The following MCC variants were observed in gnomAD, a reference collection of about 807,000 sequenced individuals.
MCC encodes the protein colorectal mutant cancer protein.
Under a neutral mutation model 116.2 loss-of-function variants are expected in MCC, and 90 were observed. The observed-to-expected ratio is 0.77, with a 90% CI of 0.65 to 0.92. The LOEUF (loss-of-function observed/expected upper bound fraction) is 0.92, where lower values mean the gene tolerates loss of function less well. MCC is among the 40% of genes least tolerant of loss of function. MCC has a pLI of 0.00. For missense variants in MCC, 1,516 were observed against 1,312.2 expected (o/e 1.16, Z -2.40); for synonymous variants, 578 against 510.5 (o/e 1.13, Z -1.78).
At chr5:113,440,649 G>GA (rs1466392993) in intron 1 of MCC, among the ~76,000 whole-genome samples, 1 of 151,820 alleles carries the variant, frequency 6.6e-6, no homozygotes, top group African/African-American at 2.4e-5. Context: ...AGGAGGGAAG[G>GA]AAAAAACAAA....
intron 6 of MCC, among the ~76,000 whole-genome samples, chr5:113,114,579 C>T (rs562973562): frequency 1.8e-4 from 27 of 152,320 alleles, no homozygotes; most frequent in African/African-American, 5.5e-4. Context: ...ATGGCCTACC[C>T]CGCCCCCCAT....
chr5:113,456,623 A>ATT (rs34111159), intron 1 of MCC, among the ~76,000 whole-genome samples: 8,818 of 50,860 alleles, frequency 0.17, 1,641 homozygotes, highest in Admixed American at 0.3. Flanking sequence ...TGCCCAGCTA[A>ATT]TTTTTTTTTT....
intron 1 of MCC, among the ~76,000 whole-genome samples, chr5:113,453,213 T>C (rs1319788420): frequency 2.0e-5 from 3 of 152,094 alleles, no homozygotes; most frequent in South Asian, 2.1e-4. Context: ...TCTGAGATTC[T>C]TTTAGGTCTG....
At chr5:113,260,533 T>C (rs1765184233) in intron 3 of MCC, among the ~76,000 whole-genome samples, 1 of 152,158 alleles carries the variant, frequency 6.6e-6, no homozygotes, top group Admixed American at 6.5e-5. Flanking sequence ...GCTGTGGGTA[T>C]TCTTTCGTAC....
At chr5:113,188,611 G>A (rs549355533) in intron 3 of MCC, among the ~76,000 whole-genome samples, 1 of 152,356 alleles carries the variant, frequency 6.6e-6, no homozygotes, top group South Asian at 2.1e-4. Flanking sequence ...GCTTTTCAGA[G>A]GAGTATGGTA....
chr5:113,072,501 A>G (rs1039685515), intron 11 of MCC, among the ~76,000 whole-genome samples: 9 of 152,178 alleles, frequency 5.9e-5, no homozygotes, highest in African/African-American at 1.9e-4. Flanking sequence ...ACCTCCATGT[A>G]GCCAAGCCCA....
intron 17 of MCC, among the ~76,000 whole-genome samples, chr5:113,036,196 C>A (rs189602804): frequency 1.3e-5 from 2 of 152,144 alleles, no homozygotes; most frequent in Non-Finnish European, 2.9e-5. Flanking sequence ...TGTCACCATG[C>A]CCAGCTCATT....
intron 11 of MCC, among the ~76,000 whole-genome samples, chr5:113,074,878 A>C (rs139290670): frequency 1.1e-3 from 172 of 152,336 alleles, no homozygotes; most frequent in African/African-American, 4.0e-3. Context: ...CCAAGAAATA[A>C]GGGACTGAGA....
chr5:113,364,484 C>T (rs567279933), intron 2 of MCC, among the ~76,000 whole-genome samples: 11 of 152,316 alleles, frequency 7.2e-5, no homozygotes, highest in Admixed American at 2.6e-4. Flanking sequence ...CACTAAGTGC[C>T]GATGGCTTTT....
chr5:113,420,597 G>A (rs919523289), intron 1 of MCC, among the ~76,000 whole-genome samples: 3 of 152,154 alleles, frequency 2.0e-5, no homozygotes, highest in East Asian at 1.9e-4. Context: ...AAGAATCCAC[G>A]TGACAGCAGG....
intron 5 of MCC, among the ~76,000 whole-genome samples, chr5:113,131,162 G>A (rs139511318): frequency 1.1e-3 from 163 of 152,344 alleles, no homozygotes; most frequent in Admixed American, 9.4e-3. Context: ...TTGGTAGTGA[G>A]AGGCTGATGT....
chr5:113,420,213 G>A (rs1017826487), intron 1 of MCC, among the ~76,000 whole-genome samples: 11 of 121,932 alleles, frequency 9.0e-5, no homozygotes, highest in Non-Finnish European at 1.5e-4. Context: ...TTAAATATAA[G>A]ATTAGGCAAA....
intron 2 of MCC, among the ~76,000 whole-genome samples, chr5:113,343,249 C>A (rs920219542): frequency 2.0e-5 from 3 of 152,120 alleles, no homozygotes; most frequent in Non-Finnish European, 1.5e-5. Context: ...GTCGGTCTAA[C>A]CCAACATTCT....
Position 113,393,110 on chromosome 5 carries a change from A to T in MCC, c.171-7898T>A, listed in dbSNP as rs571774912. On this transcript the variant is annotated intron_variant, in intron 1 of 18. Coordinates refer to ENST00000408903, the MANE Select transcript of MCC (RefSeq NM_001085377.2). ...AGTAATAAAAACAAGGTCAAGAAGC[A>T]TAAATCTCAACTGTAAAGAGGTGAG... 9.2e-5 allele frequency among the ~76,000 whole-genome samples: 14 copies of T among 152,316 alleles called. No homozygotes were observed. The South Asian group carries it at 2.9e-3, about 32-fold the overall frequency.
intron 3 of MCC, among the ~76,000 whole-genome samples, chr5:113,216,130 G>C (rs1165913240): frequency 6.6e-6 from 1 of 152,174 alleles, no homozygotes; most frequent in Non-Finnish European, 1.5e-5. Flanking sequence ...TAGTGCCTAT[G>C]GTTGCTTTTG....
chr5:113,222,656 G>A lies in MCC; in HGVS notation c.628-71234C>T, dbSNP rs79378723. Among the ~76,000 whole-genome samples, 354 of 152,314 alleles carry A rather than the reference G, an allele frequency of 2.3e-3. 9 individuals are homozygous for A. In the East Asian group the frequency reaches 0.041, roughly 18 times the overall value. ...TAAGAAGAAGAGATTAATTCTCACT[G>A]GGGGAGAAACGAAGAGAATATTCAA... On this transcript the variant is annotated intron_variant, in intron 3 of 18. Transcript: ENST00000408903.
chr5:113,132,999 A>T (rs1244162495), intron 5 of MCC, among the ~76,000 whole-genome samples: 1 of 151,798 alleles, frequency 6.6e-6, no homozygotes, highest in African/African-American at 2.4e-5. Context: ...AGAATCTATA[A>T]CTTTCTTTTT....
chr5:113,347,267 T>A (rs868005417), intron 2 of MCC, among the ~76,000 whole-genome samples: 1 of 152,060 alleles, frequency 6.6e-6, no homozygotes, highest in South Asian at 2.1e-4. Flanking sequence ...TAAAAAATAA[T>A]GACTACAACA....
At chr5:113,278,243 T>C (rs1406077348) in intron 3 of MCC, among the ~76,000 whole-genome samples, 2 of 152,198 alleles carry the variant, frequency 1.3e-5, no homozygotes, top group Admixed American at 6.5e-5. Context: ...TCTGAGCTTC[T>C]ATTCTCTCAC....
Sources: gnomAD v4.1 joint callset for allele counts (sites outside exome capture counted in the v4.1 genomes callset) on GRCh38, gnomAD v4.1.1 for gene constraint, MANE v1.5 for transcripts, NCBI Gene and HGNC (gene_info 2026-07-23, HGNC 2026-07-21) for gene names.